The following CHST9 variants were observed in gnomAD, a reference collection of about 807,000 sequenced individuals.
CHST9 encodes GalNAc-4-sulfotransferase 2.
A neutral mutation model predicts 44.4 loss-of-function variants in CHST9; 41 were observed. That is an observed-to-expected ratio of 0.92 (90% CI 0.72 to 1.20). The LOEUF is 1.20. CHST9 is among the 50% of genes most tolerant of loss of function. The probability of loss-of-function intolerance (pLI) is 0.00; values close to 1 mark genes in which losing one functional copy is unlikely to be tolerated. For synonymous variants in CHST9, 171 were observed against 178.4 expected, an observed-to-expected ratio of 0.96 and a Z score of 0.33; for missense variants, 504 against 516.5, an observed-to-expected ratio of 0.98 and a Z score of 0.23.
intron 2 of CHST9, among the ~76,000 whole-genome samples, chr18:27,105,915 T>C (rs888263344): frequency 1.3e-5 from 2 of 152,154 alleles, no homozygotes; most frequent in Admixed American, 6.5e-5. Context: ...TGTAGGAAGT[T>C]GGAAAAACAT....
intron 4 of CHST9, among the ~76,000 whole-genome samples, chr18:27,012,490 A>G (rs1030026637): frequency 1.3e-5 from 2 of 152,122 alleles, no homozygotes; most frequent in Non-Finnish European, 2.9e-5. Context: ...AGAGGAGGAG[A>G]GGAAGAGAAG....
chr18:27,005,355 C>T (rs1045917660), intron 4 of CHST9, among the ~76,000 whole-genome samples: 2 of 152,112 alleles, frequency 1.3e-5, no homozygotes, highest in African/African-American at 4.8e-5. Context: ...TTTATAGAGG[C>T]CAACCTTGGG....
At chr18:26,947,006 T>A (rs2056174239) in intron 4 of CHST9, among the ~76,000 whole-genome samples, 2 of 152,174 alleles carry the variant, frequency 1.3e-5, no homozygotes, top group Admixed American at 6.5e-5. Flanking sequence ...TATGTGCTCT[T>A]TTTTGGTTCC....
chr18:27,107,256 C>A (rs566053830), intron 2 of CHST9, among the ~76,000 whole-genome samples: 3 of 152,068 alleles, frequency 2.0e-5, no homozygotes, highest in Non-Finnish European at 2.9e-5. Flanking sequence ...CTGAAGTTTC[C>A]GCCAGTGGTA....
chr18:26,960,363 T>C (rs2056383736), intron 4 of CHST9, among the ~76,000 whole-genome samples: 1 of 152,224 alleles, frequency 6.6e-6, no homozygotes, highest in African/African-American at 2.4e-5. Flanking sequence ...TCATCCATAG[T>C]GAATAAGAAG....
intron 3 of CHST9, among the ~76,000 whole-genome samples, chr18:27,041,952 C>A (rs1378853479): frequency 6.6e-6 from 1 of 152,038 alleles, no homozygotes; most frequent in Non-Finnish European, 1.5e-5. Flanking sequence ...AAACCATAAA[C>A]CCAGAGAAAA....
intron 2 of CHST9, among the ~76,000 whole-genome samples, chr18:27,071,695 T>G (rs9957079): frequency 0.38 from 57,637 of 151,976 alleles, 11,242 homozygotes; most frequent in South Asian, 0.5. Flanking sequence ...CATAAATACA[T>G]TGTTGAGAAA....
At chr18:26,926,006 T>C (rs1351512619) in intron 5 of CHST9, 2 of 151,464 alleles carry the variant, frequency 1.3e-5, no homozygotes, top group South Asian at 2.1e-4. Context: ...GAGACAGAAA[T>C]GGGAAAGAGA....
At chr18:27,048,151 C>T (rs557634716) in intron 3 of CHST9, among the ~76,000 whole-genome samples, 124 of 152,236 alleles carry the variant, frequency 8.1e-4, no homozygotes, top group Middle Eastern at 3.4e-3. Context: ...TGGTTGTCAA[C>T]TATCACATCA....
intron 4 of CHST9, among the ~76,000 whole-genome samples, chr18:27,005,705 T>C (rs1056631209): frequency 1.3e-5 from 2 of 152,164 alleles, no homozygotes; most frequent in Non-Finnish European, 2.9e-5. Context: ...TCAATTGGTT[T>C]CCATGGGGGA....
rs570552468 is a variant in CHST9 at position 27,029,742 on chromosome 18, G to A, written c.161-5585C>T. Among the ~76,000 whole-genome samples the A allele has an allele frequency of 6.6e-5, 10 of 152,278 alleles. No individual in the cohort carries two copies. The South Asian group carries it at 1.9e-3, about 28-fold the overall frequency. On this transcript the variant is annotated intron_variant, in intron 3 of 5. Transcript: ENST00000618847. ...GTTTAGGAAATGACAAGAAAAAAGA[G>A]TCTGCAGTTATTGAGTACAGACGCA...
intron 3 of CHST9, among the ~76,000 whole-genome samples, chr18:27,042,763 T>TTCTC (rs951335611): frequency 2.0e-5 from 3 of 151,678 alleles, no homozygotes; most frequent in African/African-American, 7.3e-5. Flanking sequence ...GATTAAGCTC[T>TTCTC]TCTCTCTCTA....
At chr18:27,161,531 C>T (rs953556113) in intron 1 of CHST9, among the ~76,000 whole-genome samples, 19 of 152,112 alleles carry the variant, frequency 1.2e-4, no homozygotes, top group African/African-American at 3.9e-4. Flanking sequence ...TTACTTTCAA[C>T]TAAGTGGTCA....
intron 1 of CHST9, among the ~76,000 whole-genome samples, chr18:27,156,539 G>C (rs1298096770): frequency 6.6e-6 from 1 of 152,068 alleles, no homozygotes; most frequent in Admixed American, 6.6e-5. Flanking sequence ...ACTGAAAATA[G>C]TGAGATATTC....
rs1351243500 is a variant in CHST9 at position 26,913,702 on chromosome 18, G to C, written c.*2557C>G. 1 of 152,150 alleles carries C rather than the reference G, an allele frequency of 6.6e-6. No individual in the cohort carries two copies. Among genetic ancestry groups the C allele is most frequent in the Non-Finnish European group, 1.5e-5 (1 of 68,038 alleles). The allele number at this position is 152,150 out of a possible 1,614,324, so 9.4% of individuals were successfully genotyped here. On this transcript the variant is annotated 3_prime_UTR_variant, in exon 6 of 6. Transcript: ENST00000618847. ...TCTGGATTTGGTCACTTGCCTTTAG[G>C]AATTAAATTCATGAAATTGTGATGG...
chr18:27,042,696 G>C (rs1052570992), intron 3 of CHST9, among the ~76,000 whole-genome samples: 1 of 152,010 alleles, frequency 6.6e-6, no homozygotes, highest in African/African-American at 2.4e-5. Context: ...GATACTGGGC[G>C]CAGAGCCTGA....
intron 4 of CHST9, among the ~76,000 whole-genome samples, chr18:26,950,821 G>T (rs2056236328): frequency 6.6e-6 from 1 of 152,190 alleles, no homozygotes; most frequent in South Asian, 2.1e-4. Flanking sequence ...CACCACTGAA[G>T]AACTTATCCA....
At chr18:26,983,206 T>A (rs879840568) in intron 4 of CHST9, among the ~76,000 whole-genome samples, 3 of 152,210 alleles carry the variant, frequency 2.0e-5, no homozygotes, top group Non-Finnish European at 4.4e-5. Flanking sequence ...TGTTTCAAAT[T>A]TAGTGGACAT....
At chr18:27,059,955 G>T (rs1181381637) in intron 2 of CHST9, among the ~76,000 whole-genome samples, 1 of 152,186 alleles carries the variant, frequency 6.6e-6, no homozygotes. Flanking sequence ...ATTGCTTTCA[G>T]GCCTTTACAG....
Sources: gnomAD v4.1 joint callset for allele counts (sites outside exome capture counted in the v4.1 genomes callset) on GRCh38, gnomAD v4.1.1 for gene constraint, MANE v1.5 for transcripts, NCBI Gene and HGNC (gene_info 2026-07-23, HGNC 2026-07-21) for gene names.